SLC30A7: variants seen among roughly 807,000 people sequenced by gnomAD.
SLC30A7 encodes zinc transporter 7.
Under a neutral mutation model 46.0 loss-of-function variants are expected in SLC30A7, and 35 were observed. The observed-to-expected ratio is 0.76, with a 90% CI of 0.58 to 1.01. The LOEUF (loss-of-function observed/expected upper bound fraction) is 1.01, where lower values mean the gene tolerates loss of function less well. SLC30A7 is among the 50% of genes least tolerant of loss of function. The probability of loss-of-function intolerance (pLI) is 0.00; values close to 1 mark genes in which losing one functional copy is unlikely to be tolerated. For missense variants in SLC30A7, 464 were observed against 451.1 expected (o/e 1.03, Z -0.26); for synonymous variants, 147 against 157.8 (o/e 0.93, Z 0.51).
chr1:100,957,251 A>G lies in SLC30A7; in HGVS notation c.843-4577A>G, dbSNP rs1442828584. 4.6e-5 allele frequency among the ~76,000 whole-genome samples: 7 copies of G among 152,368 alleles called. No homozygotes were observed. In the South Asian group the frequency reaches 1.4e-3, roughly 32 times the overall value. On this transcript the variant is annotated intron_variant, in intron 8 of 10. Coordinates refer to ENST00000357650, the MANE Select transcript of SLC30A7 (RefSeq NM_133496.5). ...TTCCAGAAAATCTGATGCCAGATAT[A>G]TAGTAGTAGATCCTTAATAATCGCT...
chr1:100,992,530 A>G, the SLC30A7 span: 1 of 740,102 alleles, frequency 1.4e-6, no homozygotes, highest in Non-Finnish European at 2.1e-6. Flanking sequence ...GTACAATACA[A>G]AAATACTGAC....
At chr1:100,897,833 G>C (rs962856916) in intron 2 of SLC30A7, among the ~76,000 whole-genome samples, 3 of 152,100 alleles carry the variant, frequency 2.0e-5, no homozygotes, top group African/African-American at 7.2e-5. Context: ...CTTAATATAT[G>C]TAATAACCAT....
At chr1:100,931,378 A>G (rs1443897438) in intron 8 of SLC30A7, among the ~76,000 whole-genome samples, 1 of 152,152 alleles carries the variant, frequency 6.6e-6, no homozygotes, top group Admixed American at 6.5e-5. Context: ...ACACACATGC[A>G]CAATTCGTAA....
chr1:100,915,188 C>CCCTCCCTTCCTCCCT (rs1652415450), intron 6 of SLC30A7, among the ~76,000 whole-genome samples: 7 of 123,734 alleles, frequency 5.7e-5, no homozygotes, highest in African/African-American at 2.1e-4. Flanking sequence ...CTTTTCTTTT[C>CCCTCCCTTCCTCCCT]TTTCTTTTCT....
chr1:100,975,833 T>C lies in SLC30A7; in HGVS notation c.*976T>C, dbSNP rs1465272775. 1.9e-4 allele frequency: 2 copies of C among 10,450 alleles called. No individual in the cohort carries two copies. Among genetic ancestry groups the C allele is most frequent in the Non-Finnish European group, 1.2e-3 (2 of 1,636 alleles). 0.6% of individuals were successfully genotyped at this position (10,450 alleles called of 1,614,324 possible). On this transcript the variant is annotated 3_prime_UTR_variant, in exon 11 of 11. Coordinates refer to ENST00000357650, the MANE Select transcript of SLC30A7 (RefSeq NM_133496.5). Reference sequence around the variant, plus strand: ...GAGCCACCACGCCCGGCTATGTTTTTTTTTTTTTTTTTTTTTTTTTTTAAC... The same window carrying C: ...GAGCCACCACGCCCGGCTATGTTTTCTTTTTTTTTTTTTTTTTTTTTTAAC...
chr1:100,913,684 T>G lies in SLC30A7; in HGVS notation c.533T>G (p.Leu178Arg). Reference sequence around the variant, plus strand: ...CTAGGCCACGGACACAGTCATTCCCTCTTTAATGGTGCTCTAGATCAGGCA... The same window carrying G: ...CTAGGCCACGGACACAGTCATTCCCGCTTTAATGGTGCTCTAGATCAGGCA... ...HGSGHGHSHS[L>R]FNGALDQAHG... Residue 178 changes from leucine to arginine, a missense_variant, in exon 6 of 11, where the codon CTC becomes CGC. By Grantham distance (102) the Leu-to-Arg change is moderately radical. Transcript: ENST00000357650. 1.9e-6 allele frequency: 3 copies of G among 1,613,940 alleles called. No homozygotes were observed. The highest frequency in any genetic ancestry group is 2.5e-6 in the Non-Finnish European group (3 of 1,179,818).
At chr1:100,984,028 T>A (rs1017507396), downstream of SLC30A7, among the ~76,000 whole-genome samples, 1 of 152,188 alleles carries the variant, frequency 6.6e-6, no homozygotes, top group Admixed American at 6.5e-5. Flanking sequence ...TCTACAGACC[T>A]CAGAAGAAGG....
chr1:100,954,595 A>C (rs1655131425), intron 8 of SLC30A7, among the ~76,000 whole-genome samples: 2 of 152,100 alleles, frequency 1.3e-5, no homozygotes, highest in South Asian at 4.1e-4. Flanking sequence ...TCTAAGTTCT[A>C]GGGGTACCTT....
chr1:100,910,477 G>T (rs1368289158), intron 3 of SLC30A7, among the ~76,000 whole-genome samples: 1 of 152,074 alleles, frequency 6.6e-6, no homozygotes, highest in African/African-American at 2.4e-5. Context: ...ATAGGTAATT[G>T]AAAGTTTATG....
At chr1:100,957,247 A>G (rs114053595) in intron 8 of SLC30A7, among the ~76,000 whole-genome samples, 3,562 of 152,306 alleles carry the variant, frequency 0.023, 77 homozygotes, top group Non-Finnish European at 0.038. Flanking sequence ...CTGATGCCAG[A>G]TATATAGTAG....
At chr1:100,900,856 A>G (rs1651262298) in intron 2 of SLC30A7, among the ~76,000 whole-genome samples, 1 of 152,204 alleles carries the variant, frequency 6.6e-6, no homozygotes. Context: ...CAAACAATAT[A>G]AATATACCGT....
At chr1:100,925,954 C>T (rs1225322173) in intron 8 of SLC30A7, among the ~76,000 whole-genome samples, 1 of 152,112 alleles carries the variant, frequency 6.6e-6, no homozygotes, top group Non-Finnish European at 1.5e-5. Flanking sequence ...ATTCCCACCC[C>T]TTCTGTTTTC....
intron 8 of SLC30A7, among the ~76,000 whole-genome samples, chr1:100,943,151 GGT>G (rs1415517734): frequency 1.3e-5 from 2 of 152,120 alleles, no homozygotes; most frequent in African/African-American, 4.8e-5. Flanking sequence ...AGATCTCACA[GGT>G]TGAGGGATCC....
At chr1:100,966,773 T>A (rs761041399) in intron 10 of SLC30A7, among the ~76,000 whole-genome samples, 15 of 152,204 alleles carry the variant, frequency 9.9e-5, no homozygotes, top group Non-Finnish European at 1.2e-4. Flanking sequence ...TAAGATATGT[T>A]AGGTACTATT....
chr1:100,905,763 A>G (rs1268266471), intron 2 of SLC30A7, among the ~76,000 whole-genome samples: 3 of 152,026 alleles, frequency 2.0e-5, no homozygotes, highest in Admixed American at 2.0e-4. Flanking sequence ...TATAGTTTTT[A>G]TCTGCAGAAA....
intron 1 of SLC30A7, 54 bp downstream of exon 1, chr1:100,896,396 C>G (rs906649788): frequency 6.3e-7 from 1 of 1,589,654 alleles, no homozygotes; most frequent in Non-Finnish European, 8.6e-7. Flanking sequence ...GGGAGAAGGC[C>G]CAGACCTCAG....
At chr1:100,994,639 G>A in the SLC30A7 span, among the ~76,000 whole-genome samples, 1 of 151,572 alleles carries the variant, frequency 6.6e-6, no homozygotes, top group Non-Finnish European at 1.5e-5. Context: ...CGATTCTCGT[G>A]CCTCAACCTC....
chr1:100,911,006 G>A (rs1442277004), intron 3 of SLC30A7, 57 bp from the exon 4 acceptor site: 6 of 1,350,258 alleles, frequency 4.4e-6, no homozygotes, highest in Admixed American at 1.7e-5. Flanking sequence ...GTAATTTTAC[G>A]ATTTAATTTT....
chr1:100,967,346 C>A (rs751501352), intron 10 of SLC30A7, among the ~76,000 whole-genome samples: 34 of 151,992 alleles, frequency 2.2e-4, no homozygotes, highest in Non-Finnish European at 4.7e-4. Flanking sequence ...GTATTAGATT[C>A]TCATAAAGAG....
Sources: allele counts gnomAD v4.1 joint callset (sites outside exome capture counted in the v4.1 genomes callset), GRCh38; gene constraint gnomAD v4.1.1; transcripts MANE v1.5; gene names NCBI Gene and HGNC (gene_info 2026-07-23, HGNC 2026-07-21).